The following CDC42BPA variants were observed in gnomAD, a reference collection of about 807,000 sequenced individuals.
CDC42BPA encodes serine/threonine-protein kinase MRCK alpha.
CDC42BPA carries 80 observed loss-of-function variants against 223.5 expected under a neutral mutation model. The observed-to-expected ratio is 0.36, with a 90% CI of 0.30 to 0.43. CDC42BPA has a LOEUF of 0.43. Among genes scored for constraint, CDC42BPA ranks in the 20% least tolerant of loss-of-function variants. CDC42BPA has a pLI of 1.00. For missense variants in CDC42BPA, 1,743 were observed against 2,099.9 expected, an observed-to-expected ratio of 0.83 and a Z score of 3.32; for synonymous variants, 694 against 718.6, an observed-to-expected ratio of 0.97 and a Z score of 0.55.
chr1:227,174,613 T>C (rs1666652593), intron 5 of CDC42BPA, among the ~76,000 whole-genome samples: 1 of 152,148 alleles, frequency 6.6e-6, no homozygotes, highest in African/African-American at 2.4e-5. Flanking sequence ...TTATATAAAA[T>C]ATTATCAACA....
At chr1:227,022,415 AGAGT>A (rs1667545581) in intron 32 of CDC42BPA, among the ~76,000 whole-genome samples, 1 of 144,874 alleles carries the variant, frequency 6.9e-6, no homozygotes, top group Admixed American at 6.9e-5. Flanking sequence ...CCTGGGCAAC[AGAGT>A]GAGACTCCCG....
chr1:227,050,474 A>C (rs1208248599), intron 22 of CDC42BPA, among the ~76,000 whole-genome samples: 2 of 152,180 alleles, frequency 1.3e-5, no homozygotes, highest in Non-Finnish European at 2.9e-5. Flanking sequence ...ATGCCAAACA[A>C]ACTCTGTACA....
At chr1:227,104,106 CAAAT>C (rs1184211400) in intron 14 of CDC42BPA, among the ~76,000 whole-genome samples, 2 of 151,864 alleles carry the variant, frequency 1.3e-5, no homozygotes, top group African/African-American at 2.4e-5. Flanking sequence ...ATTAAATTAG[CAAAT>C]AAAGAGAGAA....
rs1660980690 is a variant in CDC42BPA, at chr1:226,993,366, C to T, written c.*902G>A. 1 of 152,154 alleles carries T rather than the reference C, an allele frequency of 6.6e-6. No individual in the cohort carries two copies. Among genetic ancestry groups the T allele is most frequent in the Non-Finnish European group, 1.5e-5 (1 of 68,044 alleles). 9.4% of individuals were successfully genotyped at this position (152,154 alleles called of 1,614,324 possible). Reference sequence around the variant, plus strand: ...ATTCCACCACTAGGAAAAGAAACATCTTGGGTAGAGATGAGTTCGCCTTTT... The same window carrying T: ...ATTCCACCACTAGGAAAAGAAACATTTTGGGTAGAGATGAGTTCGCCTTTT... On this transcript the variant is annotated 3_prime_UTR_variant, in exon 37 of 37. Transcript: ENST00000366766.
chr1:227,236,378 C>G (rs1558835330), intron 2 of CDC42BPA, among the ~76,000 whole-genome samples: 1 of 152,130 alleles, frequency 6.6e-6, no homozygotes, highest in Admixed American at 6.5e-5. Context: ...ACAAATACCT[C>G]TATGTCTTGA....
At chr1:227,305,551 T>G (rs1463166341) in intron 1 of CDC42BPA, among the ~76,000 whole-genome samples, 2 of 152,248 alleles carry the variant, frequency 1.3e-5, no homozygotes. Flanking sequence ...TACCTTTAGA[T>G]GTCATTCTTA....
At chr1:227,300,555 A>C (rs138093230) in intron 1 of CDC42BPA, among the ~76,000 whole-genome samples, 322 of 152,320 alleles carry the variant, frequency 2.1e-3, no homozygotes, top group Middle Eastern at 3.4e-3. Context: ...CATTATTCTA[A>C]GTGAAGTAAC....
chr1:227,080,183 T>C (rs868740413), intron 17 of CDC42BPA, among the ~76,000 whole-genome samples: 3 of 152,112 alleles, frequency 2.0e-5, no homozygotes, highest in Non-Finnish European at 4.4e-5. Context: ...ATTAAACACC[T>C]ACCATTTGCC....
At chr1:227,151,369 G>A (rs1001099353) in intron 6 of CDC42BPA, among the ~76,000 whole-genome samples, 11 of 152,158 alleles carry the variant, frequency 7.2e-5, no homozygotes, top group Non-Finnish European at 1.5e-4. Context: ...TCCATTGTAT[G>A]TATACAGCAC....
chr1:227,223,169 G>A (rs1020277772), intron 2 of CDC42BPA, among the ~76,000 whole-genome samples: 2 of 149,722 alleles, frequency 1.3e-5, no homozygotes, highest in South Asian at 2.2e-4. Flanking sequence ...GTCTTACACA[G>A]TGAACTCCAG....
chr1:227,066,412 C>CAA (rs150372279), intron 21 of CDC42BPA, among the ~76,000 whole-genome samples: 1 of 150,956 alleles, frequency 6.6e-6, no homozygotes, highest in African/African-American at 2.4e-5. Context: ...AAAACAAAAA[C>CAA]AAAAAAAGAA....
chr1:227,285,600 T>A (rs1011756379), intron 1 of CDC42BPA, among the ~76,000 whole-genome samples: 14 of 152,224 alleles, frequency 9.2e-5, no homozygotes, highest in Non-Finnish European at 2.9e-5. Flanking sequence ...ACTCTGCTTA[T>A]CTTGACAGGT....
intron 16 of CDC42BPA, among the ~76,000 whole-genome samples, chr1:227,086,544 G>GT (rs1258255721): frequency 6.6e-6 from 1 of 152,024 alleles, no homozygotes; most frequent in African/African-American, 2.4e-5. Context: ...TCTTGCTGTG[G>GT]TTTTAAGTGG....
intron 1 of CDC42BPA, among the ~76,000 whole-genome samples, chr1:227,265,654 A>C (rs1684872749): frequency 6.6e-6 from 1 of 152,022 alleles, no homozygotes; most frequent in Non-Finnish European, 1.5e-5. Context: ...AAAGATTCAA[A>C]AATTATTAAC....
intron 3 of CDC42BPA, among the ~76,000 whole-genome samples, chr1:227,211,927 T>A (rs1185571394): frequency 2.0e-5 from 3 of 152,112 alleles, no homozygotes; most frequent in Admixed American, 6.6e-5. Flanking sequence ...ACAAAAAAAA[T>A]GTTTAATGAA....
At chr1:227,099,433 G>A (rs543933280) in intron 15 of CDC42BPA, among the ~76,000 whole-genome samples, 1 of 150,644 alleles carries the variant, frequency 6.6e-6, no homozygotes, top group Non-Finnish European at 1.5e-5. Context: ...CCTTATATAG[G>A]TGTACCCTTT....
chr1:227,277,695 T>TA (rs1387501175), intron 1 of CDC42BPA, among the ~76,000 whole-genome samples: 1 of 152,218 alleles, frequency 6.6e-6, no homozygotes, highest in African/African-American at 2.4e-5. Context: ...TAACAGTTTT[T>TA]ACTAAAAATT....
chr1:227,236,774 CA>C, intron 2 of CDC42BPA, among the ~76,000 whole-genome samples: 1 of 152,182 alleles, frequency 6.6e-6, no homozygotes, highest in South Asian at 2.1e-4. Context: ...GTGACAGAGG[CA>C]TATCATATAA....
intron 17 of CDC42BPA, among the ~76,000 whole-genome samples, chr1:227,080,304 A>T (rs1680371131): frequency 6.6e-6 from 1 of 152,092 alleles, no homozygotes; most frequent in South Asian, 2.1e-4. Flanking sequence ...AAAATATGAA[A>T]TTTTTTTACC....
Sources: allele counts gnomAD v4.1 joint callset (sites outside exome capture counted in the v4.1 genomes callset), GRCh38; gene constraint gnomAD v4.1.1; transcripts MANE v1.5; gene names NCBI Gene and HGNC (gene_info 2026-07-23, HGNC 2026-07-21).